Variants in AHCTF1 observed in about 807,000 individuals in gnomAD.
AHCTF1 encodes AT-hook containing transcription factor 1.
In AHCTF1, 24 loss-of-function variants were observed where a neutral mutation model predicts 248.4. The ratio of observed to expected loss-of-function variants is 0.10; its 90% CI spans 0.07 to 0.14. AHCTF1 has a LOEUF of 0.14. AHCTF1 is among the 10% of genes least tolerant of loss of function. AHCTF1 has a pLI of 1.00. For synonymous variants in AHCTF1, 786 were observed against 929.8 expected (o/e 0.85, Z 2.81); for missense variants, 2,206 against 2,636.2 (o/e 0.84, Z 3.57).
chr1:246,903,352 A>G (rs1665137539), intron 7 of AHCTF1, among the ~76,000 whole-genome samples: 1 of 152,172 alleles, frequency 6.6e-6, no homozygotes, highest in South Asian at 2.1e-4. Context: ...TAGAGCAACA[A>G]AGTGGAATTA....
At chr1:246,847,165 T>A (rs1660328884) in intron 33 of AHCTF1, among the ~76,000 whole-genome samples, 1 of 151,870 alleles carries the variant, frequency 6.6e-6, no homozygotes, top group South Asian at 2.1e-4. Context: ...GGCAAGCACC[T>A]GTAATCCCAG....
intron 27 of AHCTF1, among the ~76,000 whole-genome samples, chr1:246,862,758 A>G (rs1661665463): frequency 6.6e-6 from 1 of 152,236 alleles, no homozygotes; most frequent in African/African-American, 2.4e-5. Context: ...ATACAAATCT[A>G]ATTACAGAAA....
rs747049667 is a variant in AHCTF1, at chr1:246,864,065, C to G, written c.3399G>C (p.Glu1133Asp). Residue 1133 changes from glutamate (E) to aspartate (D), a missense_variant, in exon 27 of 36, where the codon GAG becomes GAC. Glu to Asp is a conservative substitution (Grantham distance 45, BLOSUM62 2). Around this residue, in one of 6 missense-constraint regions of AHCTF1, gnomAD observed 955 missense variants for 1,055.6 expected, o/e 0.90. Coordinates refer to ENST00000648844, the MANE Select transcript of AHCTF1 (RefSeq NM_001323342.2). ...ATTTCATGGAGCTTTGCTGAATAAA[C>G]TCCGAACACTGAGAAGGCCGGGGGA... is the stretch of plus-strand genomic sequence containing the variant. ...QPVPRPSQCSEFIQQSSMKSP... is the reference protein window; with the variant it reads ...QPVPRPSQCSDFIQQSSMKSP... 1 of 1,614,138 alleles carries G rather than the reference C, an allele frequency of 6.2e-7. No homozygotes were observed. The highest frequency in any genetic ancestry group is 1.1e-5 in the South Asian group (1 of 91,084).
chr1:246,890,846 AAAAT>A, intron 16 of AHCTF1, 106 bp downstream of exon 16: 1 of 641,258 alleles, frequency 1.6e-6, no homozygotes, highest in Non-Finnish European at 2.4e-6. Flanking sequence ...ATTAAGGAGA[AAAAT>A]AAGTGAGGTG....
intron 13 of AHCTF1, 43 bp from the exon 14 acceptor site, chr1:246,894,791 T>G (rs1217872780): frequency 6.5e-7 from 1 of 1,528,940 alleles, no homozygotes; most frequent in Admixed American, 1.7e-5. Context: ...GATTATTAAT[T>G]ACAAACAGAG....
chr1:246,862,595 T>C (rs1158595453), intron 27 of AHCTF1, among the ~76,000 whole-genome samples: 1 of 152,254 alleles, frequency 6.6e-6, no homozygotes, highest in East Asian at 1.9e-4. Flanking sequence ...ATTCCAGATT[T>C]CTGCAAAGAA....
At chr1:246,911,472 GA>G (rs1351037887) in intron 4 of AHCTF1, among the ~76,000 whole-genome samples, 2 of 143,704 alleles carry the variant, frequency 1.4e-5, no homozygotes, top group African/African-American at 5.1e-5. Flanking sequence ...GTCTATCTAT[GA>G]AGATTCTTTT....
intron 24 of AHCTF1, among the ~76,000 whole-genome samples, chr1:246,875,658 T>C (rs769581467): frequency 1.3e-5 from 2 of 152,352 alleles, no homozygotes; most frequent in South Asian, 4.1e-4. Flanking sequence ...TGCTGATCAG[T>C]CAGCAGCCAT....
intron 33 of AHCTF1, 22 bp from the exon 34 acceptor site, chr1:246,843,950 G>A: frequency 7.2e-7 from 1 of 1,379,966 alleles, no homozygotes. Context: ...TGAAAAAACT[G>A]TATCTGTATC....
At chr1:246,848,163 C>CAATTGTTATGGGGAGAGTCAT (rs905799191) in intron 33 of AHCTF1, among the ~76,000 whole-genome samples, 1 of 152,076 alleles carries the variant, frequency 6.6e-6, no homozygotes, top group Admixed American at 6.6e-5. Flanking sequence ...GACAAATGAT[C>CAATTGTTATGGGGAGAGTCAT]AATTGTTATG....
At chr1:246,867,851 CA>C in intron 24 of AHCTF1, 40 bp from the exon 25 acceptor site, 1 of 1,452,248 alleles carries the variant, frequency 6.9e-7, no homozygotes, top group South Asian at 1.2e-5. Context: ...GCATCTCTAA[CA>C]AACGGGAATT....
In AHCTF1 at chr1:246,840,928, G is replaced by C. The variant is rs1659815704; in HGVS notation, c.6679C>G (p.Pro2227Ala). The change falls in exon 36 of 36, where the codon CCA becomes GCA. Residue 2227 changes from proline to alanine, a missense_variant. Pro to Ala is a conservative substitution (Grantham distance 27). This residue lies in a region of AHCTF1 where 469 missense variants were observed against 470.0 expected (regional missense o/e 1.00). Coordinates refer to ENST00000648844, the MANE Select transcript of AHCTF1 (RefSeq NM_001323342.2). ...GGTTTGCTCTTGACTCCGTCAGCTGGGCTAGCCAAGGGGGAAATCAGCCGA... is the reference window on the plus strand; with the variant it reads ...GGTTTGCTCTTGACTCCGTCAGCTGCGCTAGCCAAGGGGGAAATCAGCCGA... ...EIRLISPLAS[P>A]ADGVKSKPRK... The C allele has an allele frequency of 6.2e-7, 1 of 1,612,780 alleles. No individual in the cohort carries two copies. The highest frequency in any genetic ancestry group is 8.5e-7 in the Non-Finnish European group (1 of 1,179,472).
chr1:246,880,955 T>G (rs1385424125), intron 21 of AHCTF1, among the ~76,000 whole-genome samples: 2 of 152,192 alleles, frequency 1.3e-5, no homozygotes, highest in African/African-American at 4.8e-5. Flanking sequence ...AAGGAATGCA[T>G]GGGGGTTCTT....
At chr1:246,869,131 C>T (rs993047246) in intron 24 of AHCTF1, among the ~76,000 whole-genome samples, 5 of 151,962 alleles carry the variant, frequency 3.3e-5, no homozygotes, top group Admixed American at 1.3e-4. Context: ...GCGTGAGCCA[C>T]CACGCCCGGC....
At chr1:246,898,723 A>G (rs1389136868) in intron 11 of AHCTF1, among the ~76,000 whole-genome samples, 1 of 152,184 alleles carries the variant, frequency 6.6e-6, no homozygotes, top group Non-Finnish European at 1.5e-5. Context: ...GATATTAAGT[A>G]TAAATACAGC....
rs552026840 is a variant in AHCTF1, at chr1:246,882,122, T to C, written c.2660+3371A>G. On this transcript the variant is annotated intron_variant, in intron 21 of 35. Transcript: ENST00000648844. Reference sequence around the variant, plus strand: ...ACGCCATTCTCCTGCCTCAGCCTCCTGAGTAGCTGGGACTACAGGCGTGCA... The same window carrying C: ...ACGCCATTCTCCTGCCTCAGCCTCCCGAGTAGCTGGGACTACAGGCGTGCA... Among the ~76,000 whole-genome samples, 577 of 151,698 alleles carry C rather than the reference T, an allele frequency of 3.8e-3. 5 individuals are homozygous for C. The highest frequency in any genetic ancestry group is 0.013 in the African/African-American group (550 of 41,410).
Position 246,907,719 on chromosome 1 carries a change from T to C in AHCTF1, c.596A>G (p.His199Arg), listed in dbSNP as rs1665495341. 5 of 1,613,960 alleles carry C rather than the reference T, an allele frequency of 3.1e-6. No individual in the cohort carries two copies. Among genetic ancestry groups the C allele is most frequent in the Non-Finnish European group, 4.2e-6 (5 of 1,179,932 alleles). Residue 199 changes from histidine (H) to arginine (R), a missense_variant, in exon 5 of 36, where the codon CAC becomes CGC. This residue lies in a region of AHCTF1 where 650 missense variants were observed against 870.8 expected (regional missense o/e 0.75). Transcript: ENST00000648844. ...VLTGIPAEVP[H>R]IRESVMRQGR... ...TTGTCTCATTACACTTTCTCTAATG[T>C]GTGGTACTTCAGCTGGGATACCAGT... is the stretch of plus-strand genomic sequence containing the variant.
At chr1:246,923,513 G>C (rs1485724419) in intron 1 of AHCTF1, among the ~76,000 whole-genome samples, 1 of 152,168 alleles carries the variant, frequency 6.6e-6, no homozygotes, top group Non-Finnish European at 1.5e-5. Context: ...CAACAAAACA[G>C]ATAAAATAAT....
chr1:246,927,133 G>A (rs956457116), intron 1 of AHCTF1, among the ~76,000 whole-genome samples: 13 of 151,622 alleles, frequency 8.6e-5, no homozygotes, highest in Middle Eastern at 6.8e-3. Flanking sequence ...AGCCAAGATC[G>A]TGCCACTGCA....
Sources: allele counts gnomAD v4.1 joint callset (sites outside exome capture counted in the v4.1 genomes callset), GRCh38; gene constraint gnomAD v4.1.1; regional missense constraint gnomAD v4.1.1; transcripts MANE v1.5; gene names NCBI Gene and HGNC (gene_info 2026-07-23, HGNC 2026-07-21).